ZNF236: variants seen among roughly 807,000 people sequenced by gnomAD.
ZNF236 encodes the protein regulated by glucose.
In ZNF236, 50 loss-of-function variants were observed where a neutral mutation model predicts 191.2. That is an observed-to-expected ratio of 0.26 (90% CI 0.21 to 0.33). ZNF236 has a LOEUF of 0.33. Among genes scored for constraint, ZNF236 ranks in the 10% least tolerant of loss-of-function variants. The pLI is 1.00. For missense variants in ZNF236, 1,754 were observed against 2,374.5 expected, an observed-to-expected ratio of 0.74 and a Z score of 5.43; for synonymous variants, 907 against 928.8, an observed-to-expected ratio of 0.98 and a Z score of 0.43.
At chr18:76,900,668 G>A (rs1329965511) in intron 11 of ZNF236, among the ~76,000 whole-genome samples, 3 of 152,118 alleles carry the variant, frequency 2.0e-5, no homozygotes. Context: ...TAAACAGATT[G>A]GATGGACCAA....
intron 25 of ZNF236, among the ~76,000 whole-genome samples, chr18:76,933,652 A>T (rs1967920103): frequency 6.6e-6 from 1 of 152,152 alleles, no homozygotes; most frequent in Non-Finnish European, 1.5e-5. Flanking sequence ...TATTAATGTG[A>T]TATCGGCTAT....
chr18:76,961,674 C>T (rs1968671607), intron 30 of ZNF236, among the ~76,000 whole-genome samples: 1 of 152,080 alleles, frequency 6.6e-6, no homozygotes, highest in African/African-American at 2.4e-5. Flanking sequence ...GTTTACATTC[C>T]CACTAGCAGT....
rs775205530 is a variant in ZNF236, at chr18:76,908,545, G to A, written c.2523G>A (p.Leu841=). 4 of 1,611,234 alleles carry A rather than the reference G, an allele frequency of 2.5e-6. No individual in the cohort carries two copies. Among genetic ancestry groups the A allele is most frequent in the South Asian group, 1.1e-5 (1 of 91,060 alleles). The change falls in exon 14 of 31, where the codon TTG becomes TTA. Residue 841 remains leucine, a synonymous_variant. Transcript: ENST00000320610. The part of the protein sequence containing the change: ...GTEEAGLGQQ[L]ADQPLEADED... Reference sequence around the variant, plus strand: ...AGGAAGCAGGGCTGGGCCAGCAGTTGGCAGATCAGCCCCTGGAAGCAGATG... The same window carrying A: ...AGGAAGCAGGGCTGGGCCAGCAGTTAGCAGATCAGCCCCTGGAAGCAGATG...
chr18:76,882,285 C>T (rs778784830), intron 9 of ZNF236, among the ~76,000 whole-genome samples: 14 of 152,188 alleles, frequency 9.2e-5, no homozygotes, highest in Non-Finnish European at 1.3e-4. Context: ...TGCTCCTCCT[C>T]GTGGATGGAC....
intron 27 of ZNF236, among the ~76,000 whole-genome samples, chr18:76,954,983 T>A (rs552239207): frequency 4.2e-4 from 64 of 152,368 alleles, no homozygotes; most frequent in Admixed American, 6.5e-4. Context: ...ATTTCTTATA[T>A]TCCAGAATTA....
At position 76,904,280 on chromosome 18, in the gene ZNF236, C is replaced by A. The variant is rs1018508427; in HGVS notation, c.1895-100C>A. The A allele has an allele frequency of 6.5e-6, 8 of 1,226,298 alleles. No homozygotes were observed. In the Admixed American group the frequency reaches 1.8e-4, roughly 28 times the overall value. The allele number at this position is 1,226,298 out of a possible 1,614,324, so 76.0% of individuals were successfully genotyped here. On this transcript the variant is annotated intron_variant, in intron 11 of 30. Coordinates refer to ENST00000320610, the MANE Select transcript of ZNF236 (RefSeq NM_001306089.2). The stretch of plus-strand genomic sequence containing the variant: ...AGTTGCAACATTAGAATCTAACTTA[C>A]CAGAATTTTCATCTTCTGGGTAAAA...
chr18:76,858,051 C>T (rs917777714), intron 3 of ZNF236, among the ~76,000 whole-genome samples: 10 of 152,022 alleles, frequency 6.6e-5, no homozygotes, highest in African/African-American at 1.4e-4. Flanking sequence ...TGTAGGAAAG[C>T]GATGCATTTG....
At chr18:76,933,997 C>T (rs1189912462) in intron 25 of ZNF236, among the ~76,000 whole-genome samples, 1 of 152,186 alleles carries the variant, frequency 6.6e-6, no homozygotes, top group Non-Finnish European at 1.5e-5. Flanking sequence ...TTAAACATGA[C>T]TCTTCTAAGG....
At chr18:76,914,241 G>A (rs1312475388) in intron 18 of ZNF236, among the ~76,000 whole-genome samples, 3 of 152,172 alleles carry the variant, frequency 2.0e-5, no homozygotes, top group Admixed American at 1.3e-4. Flanking sequence ...GTGTGCTCAA[G>A]TTTCACCTAT....
intron 2 of ZNF236, 34 bp from the exon 3 acceptor site, chr18:76,851,741 T>G (rs780271574): frequency 6.3e-7 from 1 of 1,589,798 alleles, no homozygotes; most frequent in Non-Finnish European, 8.6e-7. Context: ...AAAGATTGTA[T>G]TTCAGTGGCT....
Position 76,971,657 on chromosome 18 carries a change from T to C in ZNF236, c.*3318T>C, listed in dbSNP as rs1485620931. ...TTTAGAAGTAGAAGTGGATTTCTTG[T>C]CTTGCTGTGGGTTTTCCTCATTTTA... On this transcript the variant is annotated 3_prime_UTR_variant, in exon 31 of 31. Transcript: ENST00000320610. 6.6e-6 allele frequency among the ~76,000 whole-genome samples: 1 copy of C among 152,248 alleles called. No homozygotes were observed. Among genetic ancestry groups the C allele is most frequent in the Admixed American group, 6.5e-5 (1 of 15,288 alleles).
rs1160516358 is a variant in ZNF236 at position 76,927,229 on chromosome 18, A to C, written c.4173+47A>C. ...CCTGTGCTGTAATTCTCTTGGCATC[A>C]CAGAGAAGCATGAAGTTTTCATTAC... On this transcript the variant is annotated intron_variant, in intron 23 of 30. Coordinates refer to ENST00000320610, the MANE Select transcript of ZNF236 (RefSeq NM_001306089.2). This position sits in a 1 kb window ranked among gnomAD's most constrained non-coding sequence, Gnocchi z 5.4. 5 of 1,611,678 alleles carry C rather than the reference A, an allele frequency of 3.1e-6. No homozygotes were observed. In the African/African-American group the frequency reaches 4.0e-5, roughly 13 times the overall value.
chr18:76,823,266 G>A (rs1974917394), intron 1 of ZNF236, among the ~76,000 whole-genome samples: 1 of 151,360 alleles, frequency 6.6e-6, no homozygotes, highest in Non-Finnish European at 1.5e-5. Context: ...GTGCTCCAGT[G>A]TTATCTGGGG....
chr18:76,933,207 G>A (rs1048258512), intron 25 of ZNF236, among the ~76,000 whole-genome samples: 22 of 152,172 alleles, frequency 1.4e-4, no homozygotes, highest in Admixed American at 3.3e-4. Flanking sequence ...GGTGGGTCAC[G>A]CCTGTAATCC....
intron 25 of ZNF236, among the ~76,000 whole-genome samples, chr18:76,928,480 C>T (rs928947156): frequency 3.3e-5 from 5 of 152,128 alleles, no homozygotes; most frequent in African/African-American, 7.2e-5. Flanking sequence ...ATTTTAGATC[C>T]GCATGGCACT....
chr18:76,966,533 C>G lies in ZNF236; in HGVS notation c.5420-1682C>G, dbSNP rs1050279542. 2.0e-5 allele frequency among the ~76,000 whole-genome samples: 3 copies of G among 152,252 alleles called. No individual in the cohort carries two copies. In the East Asian group the frequency reaches 5.8e-4, roughly 29 times the overall value. On this transcript the variant is annotated intron_variant, in intron 30 of 30. Transcript: ENST00000320610. ...TTCAGCACCTGGCCAGTCAGAGGCC[C>G]AGAATAGCATCTCTGTCTGTCTTCA... is the stretch of plus-strand genomic sequence containing the variant.
intron 14 of ZNF236, 25 bp downstream of exon 14, chr18:76,908,598 TTGAG>T: frequency 1.9e-6 from 3 of 1,581,586 alleles, no homozygotes; most frequent in Non-Finnish European, 8.6e-7. Flanking sequence ...ATATTTAACT[TTGAG>T]TGATCCCAGC....
chr18:76,968,650 A>G lies in ZNF236; in HGVS notation c.*311A>G, dbSNP rs894885935. 9.3e-7 allele frequency: 1 copy of G among 1,073,820 alleles called. No homozygotes were observed. The highest frequency in any genetic ancestry group is 1.1e-6 in the Non-Finnish European group (1 of 887,468). 66.5% of individuals were successfully genotyped at this position (1,073,820 alleles called of 1,614,324 possible). A position where few individuals can be genotyped will look rare whatever the true frequency, so the allele number is the denominator to read the frequency against. On this transcript the variant is annotated 3_prime_UTR_variant, in exon 31 of 31. Coordinates refer to ENST00000320610, the MANE Select transcript of ZNF236 (RefSeq NM_001306089.2). Reference sequence around the variant, plus strand: ...AAGCAATTAACTGGGTCTTACTATCATTGTAGTGTGATTTCTTTGTATTAG... The same window carrying G: ...AAGCAATTAACTGGGTCTTACTATCGTTGTAGTGTGATTTCTTTGTATTAG...
At chr18:76,841,953 C>T (rs1163273884) in intron 1 of ZNF236, among the ~76,000 whole-genome samples, 1 of 152,180 alleles carries the variant, frequency 6.6e-6, no homozygotes, top group Non-Finnish European at 1.5e-5. Context: ...CCTGCCTCAG[C>T]CTCCCAAAGT....
Sources: gnomAD v4.1 joint callset for allele counts (sites outside exome capture counted in the v4.1 genomes callset) on GRCh38, gnomAD v4.1.1 for gene constraint, Gnocchi (gnomAD v3.1) non-coding constraint, MANE v1.5 for transcripts, NCBI Gene and HGNC (gene_info 2026-07-23, HGNC 2026-07-21) for gene names.